Variants in FBXL17 observed in about 807,000 individuals in gnomAD.
The protein encoded by FBXL17 is F-box and leucine rich repeat protein 17, also known as F-box/LRR-repeat protein 17.
Under a neutral mutation model 66.2 loss-of-function variants are expected in FBXL17, and 22 were observed. That is an observed-to-expected ratio of 0.33 (90% CI 0.24 to 0.47). The LOEUF is 0.47. FBXL17 is among the 20% of genes least tolerant of loss of function. The pLI, the probability that FBXL17 is intolerant of heterozygous loss-of-function variation, is 1.00. For missense variants in FBXL17, 878 were observed against 948.2 expected (o/e 0.93, Z 0.97); for synonymous variants, 474 against 400.5 (o/e 1.18, Z -2.19).
At chr5:108,058,009 T>C (rs1333977360) in intron 6 of FBXL17, among the ~76,000 whole-genome samples, 2 of 152,178 alleles carry the variant, frequency 1.3e-5, no homozygotes, top group South Asian at 2.1e-4. Flanking sequence ...CAATATTCTA[T>C]GTTGTGCAAA....
intron 7 of FBXL17, among the ~76,000 whole-genome samples, chr5:107,972,812 C>T (rs557381776): frequency 1.3e-5 from 2 of 152,230 alleles, no homozygotes; most frequent in Non-Finnish European, 2.9e-5. Context: ...CAATTTCACA[C>T]TTAACTTTAA....
At chr5:107,928,382 C>G (rs913139847) in intron 7 of FBXL17, among the ~76,000 whole-genome samples, 4 of 151,030 alleles carry the variant, frequency 2.6e-5, no homozygotes, top group African/African-American at 9.7e-5. Context: ...GAGTTTGGCT[C>G]TAGGATTCTT....
At chr5:108,260,354 G>A (rs1456683554) in intron 4 of FBXL17, among the ~76,000 whole-genome samples, 1 of 152,118 alleles carries the variant, frequency 6.6e-6, no homozygotes, top group Non-Finnish European at 1.5e-5. Flanking sequence ...ATGACCAGAG[G>A]CTGGTCATCC....
intron 4 of FBXL17, among the ~76,000 whole-genome samples, chr5:108,347,948 C>A (rs1239852556): frequency 6.6e-6 from 1 of 152,042 alleles, no homozygotes; most frequent in Non-Finnish European, 1.5e-5. Context: ...ATTATATGCT[C>A]TAACTTATTG....
intron 6 of FBXL17, among the ~76,000 whole-genome samples, chr5:108,021,767 T>C (rs1754613138): frequency 6.6e-6 from 1 of 151,914 alleles, no homozygotes; most frequent in Non-Finnish European, 1.5e-5. Flanking sequence ...CTCAGTTTCC[T>C]ATAATATCAG....
chr5:108,093,242 T>G (rs1040402981), intron 6 of FBXL17, among the ~76,000 whole-genome samples: 3 of 151,820 alleles, frequency 2.0e-5, no homozygotes, highest in African/African-American at 7.3e-5. Flanking sequence ...CATAACCTAC[T>G]GTTATTATAA....
At chr5:108,086,270 C>T (rs549500874) in intron 6 of FBXL17, among the ~76,000 whole-genome samples, 2 of 152,188 alleles carry the variant, frequency 1.3e-5, no homozygotes, top group Non-Finnish European at 2.9e-5. Context: ...GCCCCATAAT[C>T]GGGAGGAAAA....
At chr5:108,048,461 C>G (rs182494655) in intron 6 of FBXL17, among the ~76,000 whole-genome samples, 337 of 152,228 alleles carry the variant, frequency 2.2e-3, no homozygotes, top group African/African-American at 7.6e-3. Flanking sequence ...ATGAGACGGA[C>G]AAACTGACAA....
chr5:107,996,761 G>A (rs10066260), intron 7 of FBXL17, among the ~76,000 whole-genome samples: 27,066 of 151,998 alleles, frequency 0.18, 6,730 homozygotes, highest in African/African-American at 0.56. Context: ...ATTAAAAAAT[G>A]TGCCTGTCTT....
At chr5:108,074,163 C>T (rs762101429) in intron 6 of FBXL17, among the ~76,000 whole-genome samples, 13 of 152,114 alleles carry the variant, frequency 8.5e-5, no homozygotes, top group East Asian at 5.8e-4. Flanking sequence ...TTAATATGAG[C>T]GGTCCATTTT....
At chr5:107,940,435 C>T (rs1188532789) in intron 7 of FBXL17, among the ~76,000 whole-genome samples, 1 of 152,024 alleles carries the variant, frequency 6.6e-6, no homozygotes, top group East Asian at 1.9e-4. Context: ...ATGCAAGGTA[C>T]AGAGAGGAGT....
intron 6 of FBXL17, among the ~76,000 whole-genome samples, chr5:108,130,645 T>G (rs1188830449): frequency 3.3e-5 from 5 of 152,066 alleles, no homozygotes; most frequent in Non-Finnish European, 7.4e-5. Context: ...AAAGGAACAT[T>G]TATTAACTTC....
intron 6 of FBXL17, among the ~76,000 whole-genome samples, chr5:108,076,400 T>C (rs887974790): frequency 6.6e-6 from 1 of 152,298 alleles, no homozygotes; most frequent in South Asian, 2.1e-4. Flanking sequence ...CTTACTTATA[T>C]CTTTTTCACT....
intron 7 of FBXL17, among the ~76,000 whole-genome samples, chr5:107,937,813 C>G (rs931963583): frequency 2.0e-5 from 3 of 152,158 alleles, no homozygotes; most frequent in Non-Finnish European, 4.4e-5. Context: ...ACAGGGGTCA[C>G]TGGCAGCACT....
At chr5:108,291,731 C>A (rs930540460) in intron 4 of FBXL17, among the ~76,000 whole-genome samples, 1 of 152,106 alleles carries the variant, frequency 6.6e-6, no homozygotes, top group Non-Finnish European at 1.5e-5. Context: ...ATGTTTACTA[C>A]TGAAGTCCTC....
chr5:108,177,899 A>AG (rs1752849909), intron 6 of FBXL17, among the ~76,000 whole-genome samples: 1 of 73,816 alleles, frequency 1.4e-5, no homozygotes, highest in Non-Finnish European at 2.9e-5. Context: ...TCCTTGCTCC[A>AG]GAAAAAAAAA....
chr5:107,990,212 G>T (rs1375186397), intron 7 of FBXL17, among the ~76,000 whole-genome samples: 2 of 152,194 alleles, frequency 1.3e-5, no homozygotes, highest in African/African-American at 4.8e-5. Flanking sequence ...TACAGAACTG[G>T]GGCTATCGCC....
At chr5:107,916,079 T>A (rs926071831) in intron 7 of FBXL17, among the ~76,000 whole-genome samples, 1 of 152,164 alleles carries the variant, frequency 6.6e-6, no homozygotes, top group Admixed American at 6.6e-5. Flanking sequence ...CTTAAAGATC[T>A]TCTGTGTAGC....
At chr5:107,994,812 T>A (rs28718317) in intron 7 of FBXL17, among the ~76,000 whole-genome samples, 1 of 152,254 alleles carries the variant, frequency 6.6e-6, no homozygotes, top group South Asian at 2.1e-4. Context: ...CACTCCAGCC[T>A]GGGAGAGAGA....
Sources: gnomAD v4.1 joint callset for allele counts (sites outside exome capture counted in the v4.1 genomes callset) on GRCh38, gnomAD v4.1.1 for gene constraint, MANE v1.5 for transcripts, NCBI Gene and HGNC (gene_info 2026-07-23, HGNC 2026-07-21) for gene names.